MORF4L1: variants seen among roughly 807,000 people sequenced by gnomAD.
The protein encoded by MORF4L1 is mortality factor 4-like protein 1.
MORF4L1 carries 4 observed loss-of-function variants against 52.9 expected under a neutral mutation model. That is an observed-to-expected ratio of 0.08 (90% CI 0.04 to 0.17). The LOEUF (loss-of-function observed/expected upper bound fraction) is 0.17. Among genes scored for constraint, MORF4L1 ranks in the 10% least tolerant of loss-of-function variants. The pLI, the probability that MORF4L1 is intolerant of heterozygous loss-of-function variation, is 1.00. For synonymous variants in MORF4L1, 123 were observed against 134.8 expected (o/e 0.91, Z 0.61); for missense variants, 214 against 390.4 (o/e 0.55, Z 3.81).
intron 5 of MORF4L1, among the ~76,000 whole-genome samples, chr15:78,890,229 G>A (rs927202323): frequency 2.7e-5 from 4 of 147,098 alleles, no homozygotes; most frequent in African/African-American, 1.1e-4. Flanking sequence ...AGCAAAATTA[G>A]CAATTTACCA....
intron 1 of MORF4L1, among the ~76,000 whole-genome samples, chr15:78,874,873 AAG>A (rs1396229258): frequency 4.0e-5 from 6 of 149,720 alleles, no homozygotes. Flanking sequence ...GAAATTGAGG[AAG>A]ATTTTTTTTT....
chr15:78,884,050 A>G (rs2056649961), intron 3 of MORF4L1, among the ~76,000 whole-genome samples: 1 of 151,206 alleles, frequency 6.6e-6, no homozygotes, highest in Non-Finnish European at 1.5e-5. Flanking sequence ...GTAAAAATAC[A>G]AAAATTAGCC....
chr15:78,885,010 C>T, intron 3 of MORF4L1: 1 of 1,614,162 alleles, frequency 6.2e-7, no homozygotes, highest in Non-Finnish European at 8.5e-7. Flanking sequence ...TTTGAAGACA[C>T]ATGAGGATAT....
chr15:78,874,515 G>GT (rs1401392845), intron 1 of MORF4L1, among the ~76,000 whole-genome samples: 1 of 151,588 alleles, frequency 6.6e-6, no homozygotes, highest in African/African-American at 2.4e-5. Context: ...GCGCCATCAC[G>GT]TCCGGCTAAG....
chr15:78,894,287 G>A, intron 10 of MORF4L1, 57 bp downstream of exon 10: 1 of 1,381,494 alleles, frequency 7.2e-7, no homozygotes, highest in Non-Finnish European at 9.8e-7. Context: ...TTCTCTAAAT[G>A]AATAAGAGGT....
intron 3 of MORF4L1, among the ~76,000 whole-genome samples, chr15:78,881,612 G>A (rs1398377052): frequency 2.0e-5 from 3 of 152,152 alleles, no homozygotes; most frequent in Non-Finnish European, 4.4e-5. Flanking sequence ...CTGTTTTTCA[G>A]TGATGGGACT....
intron 11 of MORF4L1, among the ~76,000 whole-genome samples, chr15:78,895,882 C>T (rs952389468): frequency 2.0e-5 from 3 of 152,034 alleles, no homozygotes; most frequent in Admixed American, 6.6e-5. Flanking sequence ...ATCATCTTTT[C>T]TTTACTAATG....
chr15:78,881,255 G>A lies in MORF4L1; in HGVS notation c.155+676G>A, dbSNP rs573430703. On this transcript the variant is annotated intron_variant, in intron 3 of 11. Coordinates refer to ENST00000426013, the MANE Select transcript of MORF4L1 (RefSeq NM_006791.4). ...GTTGCCCAGGCTGGAGTGTGCAATG[G>A]TGTGAGCTCGGCTCACTGCAACCTC... 1.7e-3 allele frequency among the ~76,000 whole-genome samples: 218 copies of A among 132,110 alleles called. 3 individuals are homozygous for A. Among genetic ancestry groups the A allele is most frequent in the African/African-American group, 6.1e-3 (216 of 35,380 alleles). The allele number at this position is 132,110 out of a possible 152,430, so 86.7% of individuals were successfully genotyped here.
chr15:78,882,089 G>A (rs2056612903), intron 3 of MORF4L1, among the ~76,000 whole-genome samples: 1 of 152,226 alleles, frequency 6.6e-6, no homozygotes, highest in African/African-American at 2.4e-5. Flanking sequence ...ATGTGGAAAG[G>A]TAGAAATCTG....
At chr15:78,894,961 G>T (rs1486090099) in intron 11 of MORF4L1, 57 bp downstream of exon 11, 1 of 1,356,502 alleles carries the variant, frequency 7.4e-7, no homozygotes, top group East Asian at 2.3e-5. Context: ...GTAATGGGAG[G>T]GATTGGCAGT....
intron 5 of MORF4L1, 47 bp downstream of exon 5, chr15:78,887,396 TA>T (rs770839084): frequency 8.1e-5 from 120 of 1,481,936 alleles, no homozygotes; most frequent in South Asian, 8.0e-4. Flanking sequence ...GTGAAGATAA[TA>T]TTTTATGTTC....
At chr15:78,888,548 C>T (rs1241255129) in intron 5 of MORF4L1, among the ~76,000 whole-genome samples, 1 of 151,902 alleles carries the variant, frequency 6.6e-6, no homozygotes, top group Admixed American at 6.6e-5. Flanking sequence ...AAAATTATAA[C>T]TTTTATTAAG....
Position 78,891,304 on chromosome 15 carries a change from G to A in MORF4L1, c.350-180G>A, listed in dbSNP as rs1351442679. On this transcript the variant is annotated intron_variant, in intron 6 of 11. Transcript: ENST00000426013. ...ATACTAAATGTTGTCTATACTAAATGTTCGGTAGAGCTCTTCATGAAAGTT... is the reference window on the plus strand; with the variant it reads ...ATACTAAATGTTGTCTATACTAAATATTCGGTAGAGCTCTTCATGAAAGTT... 4 of 652,198 alleles carry A rather than the reference G, an allele frequency of 6.1e-6. No individual in the cohort carries two copies. The African/African-American group carries it at 7.4e-5, about 12-fold the overall frequency. The allele number at this position is 652,198 out of a possible 1,614,324, so 40.4% of individuals were successfully genotyped here. A position where few individuals can be genotyped will look rare whatever the true frequency, so the allele number is the denominator to read the frequency against.
chr15:78,875,160 T>G (rs1191185509), intron 1 of MORF4L1, among the ~76,000 whole-genome samples: 1 of 152,196 alleles, frequency 6.6e-6, no homozygotes, highest in African/African-American at 2.4e-5. Context: ...GTGTTTTATG[T>G]ATTTATGAAA....
At chr15:78,895,941 A>G (rs1161146018) in intron 11 of MORF4L1, among the ~76,000 whole-genome samples, 1 of 152,086 alleles carries the variant, frequency 6.6e-6, no homozygotes, top group African/African-American at 2.4e-5. Flanking sequence ...GTGCTCTACT[A>G]CTTGACATTT....
chr15:78,890,962 A>G, intron 5 of MORF4L1, 27 bp from the exon 6 acceptor site: 1 of 1,433,524 alleles, frequency 7.0e-7, no homozygotes, highest in Non-Finnish European at 9.3e-7. Context: ...GGAAATAATT[A>G]TTTTTCTTTT....
At chr15:78,885,357 A>C (rs971545275) in intron 3 of MORF4L1, among the ~76,000 whole-genome samples, 7 of 152,202 alleles carry the variant, frequency 4.6e-5, no homozygotes, top group Admixed American at 1.3e-4. Flanking sequence ...GGGGGAAAAA[A>C]CACATAATCA....
chr15:78,891,656 TA>T (rs1382302697), intron 7 of MORF4L1, 84 bp downstream of exon 7: 2 of 1,131,988 alleles, frequency 1.8e-6, no homozygotes, highest in African/African-American at 1.6e-5. Context: ...TTTGATTATC[TA>T]CAAGATTTGC....
intron 6 of MORF4L1, 170 bp from the exon 7 acceptor site, chr15:78,891,314 G>C (rs1281996840): frequency 1.8e-5 from 12 of 656,022 alleles, no homozygotes; most frequent in South Asian, 1.8e-4. Flanking sequence ...GTTCGGTAGA[G>C]CTCTTCATGA....
Sources: gnomAD v4.1 joint callset for allele counts (sites outside exome capture counted in the v4.1 genomes callset) on GRCh38, gnomAD v4.1.1 for gene constraint, MANE v1.5 for transcripts, NCBI Gene and HGNC (gene_info 2026-07-23, HGNC 2026-07-21) for gene names.